Variants in CAMK2D observed in about 807,000 individuals in gnomAD.
The protein encoded by CAMK2D is calcium/calmodulin dependent protein kinase II delta.
CAMK2D carries 37 observed loss-of-function variants against 84.0 expected under a neutral mutation model. That is an observed-to-expected ratio of 0.44 (90% CI 0.34 to 0.58). CAMK2D has a LOEUF of 0.58. Among genes scored for constraint, CAMK2D ranks in the 20% least tolerant of loss-of-function variants. The pLI, the probability that CAMK2D is intolerant of heterozygous loss-of-function variation, is 0.02. For missense variants in CAMK2D, 448 were observed against 652.5 expected, an observed-to-expected ratio of 0.69 and a Z score of 3.41; for synonymous variants, 202 against 212.5, an observed-to-expected ratio of 0.95 and a Z score of 0.43.
At chr4:113,606,496 G>GAAA (rs112614438) in intron 4 of CAMK2D, among the ~76,000 whole-genome samples, 1 of 126,618 alleles carries the variant, frequency 7.9e-6, no homozygotes, top group African/African-American at 2.7e-5. Flanking sequence ...CTCTGTCTCA[G>GAAA]AAAAAAAAAA....
chr4:113,512,745 G>T (rs2098232278), intron 12 of CAMK2D, among the ~76,000 whole-genome samples: 1 of 152,066 alleles, frequency 6.6e-6, no homozygotes, highest in Non-Finnish European at 1.5e-5. Context: ...GCTAATTTTT[G>T]TATTTTTAGT....
At chr4:113,674,985 T>C (rs996314940) in intron 2 of CAMK2D, among the ~76,000 whole-genome samples, 1 of 152,344 alleles carries the variant, frequency 6.6e-6, no homozygotes, top group East Asian at 1.9e-4. Context: ...GAGAGCATCA[T>C]GCATTAGCTT....
chr4:113,494,989 C>G (rs998080681), intron 16 of CAMK2D, among the ~76,000 whole-genome samples: 5 of 152,218 alleles, frequency 3.3e-5, no homozygotes. Flanking sequence ...ATGCCTTGCC[C>G]TGCTTCGGCT....
intron 4 of CAMK2D, among the ~76,000 whole-genome samples, chr4:113,587,671 A>G (rs2154248824): frequency 6.6e-6 from 1 of 152,326 alleles, no homozygotes; most frequent in East Asian, 1.9e-4. Flanking sequence ...ATCTAAGTGT[A>G]TATGGAAAGT....
intron 2 of CAMK2D, among the ~76,000 whole-genome samples, chr4:113,733,923 G>GTACAAATGTACATA: frequency 1.3e-5 from 2 of 152,104 alleles, no homozygotes; most frequent in Non-Finnish European, 2.9e-5. Context: ...CAAAGGGTAG[G>GTACAAATGTACATA]CTAAATATGT....
chr4:113,547,792 G>A, intron 5 of CAMK2D, 76 bp from the exon 6 acceptor site: 1 of 905,978 alleles, frequency 1.1e-6, no homozygotes, highest in Non-Finnish European at 1.7e-6. Flanking sequence ...GAGAGACTGG[G>A]TTAAAGTGCA....
chr4:113,680,505 T>G (rs1311621677), intron 2 of CAMK2D, among the ~76,000 whole-genome samples: 1 of 152,204 alleles, frequency 6.6e-6, no homozygotes, highest in Non-Finnish European at 1.5e-5. Flanking sequence ...GAATGGCCTA[T>G]CTCTATGTCT....
chr4:113,700,021 T>C (rs2099413331), intron 2 of CAMK2D, among the ~76,000 whole-genome samples: 1 of 152,192 alleles, frequency 6.6e-6, no homozygotes, highest in Non-Finnish European at 1.5e-5. Flanking sequence ...CTGGTACTTT[T>C]TGAATATCAA....
At chr4:113,613,704 C>A (rs912657995) in intron 3 of CAMK2D, among the ~76,000 whole-genome samples, 1 of 152,072 alleles carries the variant, frequency 6.6e-6, no homozygotes, top group Non-Finnish European at 1.5e-5. Context: ...GCCAGTGACT[C>A]AGCTATTTTA....
intron 4 of CAMK2D, among the ~76,000 whole-genome samples, chr4:113,564,382 C>G (rs1040811272): frequency 1.3e-5 from 2 of 152,148 alleles, no homozygotes; most frequent in Admixed American, 1.3e-4. Context: ...CCTAGCTAGG[C>G]AATCTTGATT....
intron 3 of CAMK2D, among the ~76,000 whole-genome samples, chr4:113,619,039 A>G (rs2099033793): frequency 6.6e-6 from 1 of 152,168 alleles, no homozygotes; most frequent in Non-Finnish European, 1.5e-5. Context: ...CTTATCTCAT[A>G]GACATCTCAA....
At chr4:113,626,666 C>T (rs41386746) in intron 3 of CAMK2D, among the ~76,000 whole-genome samples, 1,647 of 152,260 alleles carry the variant, frequency 0.011, 45 homozygotes, top group African/African-American at 0.038. Context: ...GCTTGCTCTC[C>T]AATCTTGGCA....
chr4:113,678,348 C>T (rs923931364), intron 2 of CAMK2D, among the ~76,000 whole-genome samples: 4 of 152,124 alleles, frequency 2.6e-5, no homozygotes, highest in African/African-American at 9.7e-5. Flanking sequence ...AATCATCGTT[C>T]CCTAGGATCC....
At chr4:113,701,246 G>A (rs953416376) in intron 2 of CAMK2D, among the ~76,000 whole-genome samples, 6 of 152,110 alleles carry the variant, frequency 3.9e-5, no homozygotes, top group Admixed American at 2.6e-4. Context: ...GGGCTATTCA[G>A]GTCATTAATC....
At chr4:113,480,693 T>G (rs2097691077) in intron 16 of CAMK2D, among the ~76,000 whole-genome samples, 1 of 152,062 alleles carries the variant, frequency 6.6e-6, no homozygotes, top group Admixed American at 6.5e-5. Flanking sequence ...ATACAAAAAT[T>G]AGCTCTGCAC....
At chr4:113,463,092 A>T (rs1246573255) in intron 17 of CAMK2D, among the ~76,000 whole-genome samples, 1 of 152,220 alleles carries the variant, frequency 6.6e-6, no homozygotes, top group Admixed American at 6.5e-5. Context: ...ACACTCATAC[A>T]TAAGTATATG....
rs142773033 is a variant in CAMK2D at position 113,622,956 on chromosome 4, G to A, written c.221-13750C>T. On this transcript the variant is annotated intron_variant, in intron 3 of 20. Coordinates refer to ENST00000511664, the MANE Select transcript of CAMK2D (RefSeq NM_001321571.2). ...ATCAGGAGTCTGCAAACCATGGTCT[G>A]TGGGCCAACTTGGGATAGGAGAGTG... is the stretch of plus-strand genomic sequence containing the variant. Among the ~76,000 whole-genome samples, 573 of 152,266 alleles carry A rather than the reference G, an allele frequency of 3.8e-3. 11 individuals carry two copies. Among genetic ancestry groups the A allele is most frequent in the Non-Finnish European group, 5.6e-4 (38 of 68,032 alleles).
chr4:113,632,959 T>C (rs2099096018), intron 3 of CAMK2D, among the ~76,000 whole-genome samples: 1 of 152,230 alleles, frequency 6.6e-6, no homozygotes, highest in South Asian at 2.1e-4. Context: ...CCTTATGGTT[T>C]TCAAAAGGTA....
chr4:113,579,696 A>G (rs1462415567), intron 4 of CAMK2D, among the ~76,000 whole-genome samples: 1 of 152,186 alleles, frequency 6.6e-6, no homozygotes, highest in Non-Finnish European at 1.5e-5. Context: ...TGTACAGTCT[A>G]CAAAACTATG....
Sources: gnomAD v4.1 joint callset for allele counts (sites outside exome capture counted in the v4.1 genomes callset) on GRCh38, gnomAD v4.1.1 for gene constraint, MANE v1.5 for transcripts, NCBI Gene and HGNC (gene_info 2026-07-23, HGNC 2026-07-21) for gene names.